Variants in ZNF385D observed in about 807,000 individuals in gnomAD.
ZNF385D encodes the protein zinc finger protein 659.
A neutral mutation model predicts 35.8 loss-of-function variants in ZNF385D; 15 were observed. The observed-to-expected ratio is 0.42, with a 90% CI of 0.28 to 0.64. The LOEUF is 0.64. ZNF385D is among the 30% of genes least tolerant of loss of function. The probability of loss-of-function intolerance (pLI) is 0.23; values close to 1 mark genes in which losing one functional copy is unlikely to be tolerated. For missense variants in ZNF385D, 474 were observed against 494.6 expected, an observed-to-expected ratio of 0.96 and a Z score of 0.39; for synonymous variants, 212 against 186.8, an observed-to-expected ratio of 1.13 and a Z score of -1.10.
At chr3:21,626,411 TTAAG>T (rs1473137599) in intron 2 of ZNF385D, among the ~76,000 whole-genome samples, 1 of 152,116 alleles carries the variant, frequency 6.6e-6, no homozygotes, top group Non-Finnish European at 1.5e-5. Context: ...GTCATTAAAT[TTAAG>T]TAATAAAATG....
intron 2 of ZNF385D, among the ~76,000 whole-genome samples, chr3:22,258,455 CTG>C (rs1048378265): frequency 6.6e-6 from 1 of 151,702 alleles, no homozygotes; most frequent in African/African-American, 2.4e-5. Flanking sequence ...CAAATGTACT[CTG>C]TATAATATCA....
intron 3 of ZNF385D, among the ~76,000 whole-genome samples, chr3:22,153,792 T>C (rs1576412364): frequency 3.3e-5 from 5 of 152,112 alleles, no homozygotes; most frequent in East Asian, 3.9e-4. Flanking sequence ...TTTCATTTTG[T>C]AGTGGGCCCT....
chr3:22,305,292 G>C (rs1703142870), intron 2 of ZNF385D, among the ~76,000 whole-genome samples: 1 of 151,922 alleles, frequency 6.6e-6, no homozygotes, highest in Admixed American at 6.6e-5. Context: ...TGTTGTTTCA[G>C]ATTATTTTTC....
intron 3 of ZNF385D, among the ~76,000 whole-genome samples, chr3:21,765,744 CAGAG>C (rs77349056): frequency 0.012 from 1,875 of 151,304 alleles, 30 homozygotes; most frequent in African/African-American, 0.042. Flanking sequence ...GAGAGAGAGA[CAGAG>C]AGAGAGAGAA....
At chr3:22,331,072 G>A (rs1370538560) in intron 2 of ZNF385D, among the ~76,000 whole-genome samples, 1 of 152,098 alleles carries the variant, frequency 6.6e-6, no homozygotes, top group Non-Finnish European at 1.5e-5. Flanking sequence ...TTTGCAGCAG[G>A]GAATGTTTAT....
At chr3:22,086,414 CAGAG>C (rs554213911) in intron 3 of ZNF385D, among the ~76,000 whole-genome samples, 4,293 of 152,210 alleles carry the variant, frequency 0.028, 88 homozygotes, top group Non-Finnish European at 0.043. Context: ...CAATAACAGA[CAGAG>C]AGCCAAATCA....
At chr3:22,273,333 G>T (rs1701273069) in intron 2 of ZNF385D, among the ~76,000 whole-genome samples, 1 of 151,930 alleles carries the variant, frequency 6.6e-6, no homozygotes, top group South Asian at 2.1e-4. Context: ...GCAGACATTA[G>T]TCCTTTTTTT....
intron 2 of ZNF385D, among the ~76,000 whole-genome samples, chr3:22,361,995 C>A (rs1696430864): frequency 6.6e-6 from 1 of 151,578 alleles, no homozygotes; most frequent in African/African-American, 2.4e-5. Context: ...TAAATCCCAT[C>A]ATTTCTAATG....
chr3:21,626,573 C>G (rs992826589), intron 2 of ZNF385D, among the ~76,000 whole-genome samples: 1 of 152,034 alleles, frequency 6.6e-6, no homozygotes, highest in Admixed American at 6.6e-5. Flanking sequence ...CGTTGAGGAG[C>G]TTTATGGCTT....
chr3:21,462,245 C>T (rs545088755), intron 4 of ZNF385D, among the ~76,000 whole-genome samples: 59 of 152,056 alleles, frequency 3.9e-4, no homozygotes, highest in African/African-American at 1.4e-3. Flanking sequence ...TATAGAATTC[C>T]CTAGTGTTTA....
chr3:22,221,765 A>T (rs915420757), intron 2 of ZNF385D, among the ~76,000 whole-genome samples: 3 of 152,180 alleles, frequency 2.0e-5, no homozygotes, highest in African/African-American at 7.2e-5. Context: ...TAGTGCAAGG[A>T]TTGAAAAAGC....
At chr3:21,634,258 G>A (rs1463131229) in intron 2 of ZNF385D, among the ~76,000 whole-genome samples, 4 of 150,176 alleles carry the variant, frequency 2.7e-5, no homozygotes, top group African/African-American at 9.8e-5. Context: ...GGGAGGGAGG[G>A]AGGAGGAAAG....
chr3:21,820,970 C>CA (rs2073369889), intron 3 of ZNF385D, among the ~76,000 whole-genome samples: 1 of 151,502 alleles, frequency 6.6e-6, no homozygotes, highest in African/African-American at 2.4e-5. Context: ...ATATTAATTA[C>CA]AAAACCGATT....
chr3:21,641,858 G>A (rs760895733), intron 2 of ZNF385D, among the ~76,000 whole-genome samples: 29 of 151,906 alleles, frequency 1.9e-4, no homozygotes, highest in Non-Finnish European at 3.8e-4. Context: ...TTCTAACTAA[G>A]GGCATTCTAA....
At chr3:21,721,920 C>T (rs977122437) in intron 1 of ZNF385D, among the ~76,000 whole-genome samples, 7 of 152,066 alleles carry the variant, frequency 4.6e-5, no homozygotes, top group East Asian at 3.9e-4. Flanking sequence ...GCCAAAATGG[C>T]GAAACCCATC....
At chr3:22,073,789 A>G (rs1310477137) in intron 3 of ZNF385D, among the ~76,000 whole-genome samples, 1 of 152,008 alleles carries the variant, frequency 6.6e-6, no homozygotes, top group African/African-American at 2.4e-5. Flanking sequence ...AGGTAAAAGC[A>G]TACTATTTTT....
In ZNF385D at chr3:21,787,944, C is replaced by CAAAAA. The variant is rs560982379; in HGVS notation, c.326-122921_326-122917dup. Among the ~76,000 whole-genome samples, 112 of 75,372 alleles carry CAAAAA rather than the reference C, an allele frequency of 1.5e-3. 7 individuals are homozygous for CAAAAA. Among genetic ancestry groups the CAAAAA allele is most frequent in the Non-Finnish European group, 1.9e-3 (79 of 42,628 alleles). The allele number at this position is 75,372 out of a possible 152,430, so 49.4% of individuals were successfully genotyped here. ...GCGACAGAGCGAGACTTCGTCTCAA[C>CAAAAA]AAAAAAAAAAAAAAAAAAAAAAAAA... On this transcript the variant is annotated intron_variant, in intron 3 of 5. Transcript: ENST00000494108.
Position 22,123,456 on chromosome 3 carries a change from G to A in ZNF385D, c.325+45361C>T, listed in dbSNP as rs538943381. 4.6e-5 allele frequency among the ~76,000 whole-genome samples: 7 copies of A among 152,110 alleles called. No homozygotes were observed. The East Asian group carries it at 7.7e-4, about 17-fold the overall frequency. On this transcript the variant is annotated intron_variant, in intron 3 of 5. Coordinates refer to the ZNF385D transcript ENST00000494108. Reference sequence around the variant, plus strand: ...AGCATAAAATGTGTAATCACACCACGGTAAATGGGGTATGCATTACCTCAA... The same window carrying A: ...AGCATAAAATGTGTAATCACACCACAGTAAATGGGGTATGCATTACCTCAA...
At chr3:21,735,942 C>A (rs114666332) in intron 1 of ZNF385D, among the ~76,000 whole-genome samples, 1 of 152,214 alleles carries the variant, frequency 6.6e-6, no homozygotes, top group Admixed American at 6.5e-5. Flanking sequence ...AATGTCCCTA[C>A]TACCAAGATT....
Sources: gnomAD v4.1 joint callset for allele counts (sites outside exome capture counted in the v4.1 genomes callset) on GRCh38, gnomAD v4.1.1 for gene constraint, MANE v1.5 for transcripts, NCBI Gene and HGNC (gene_info 2026-07-23, HGNC 2026-07-21) for gene names.